Variants in NCBP2L observed in about 807,000 individuals in gnomAD.
The protein encoded by NCBP2L is nuclear cap binding protein subunit 2 like, also known as nuclear cap-binding protein subunit 2-like.
For missense variants in NCBP2L, 95 were observed against 53.1 expected (o/e 1.79, Z -2.45); for synonymous variants, 39 against 19.2 (o/e 2.04, Z -2.70).
chrX:107,779,738 ATTTTTTT>A (rs60997776), intron 1 of NCBP2L, among the ~76,000 whole-genome samples: 1 of 36,649 alleles, frequency 2.7e-5, no homozygotes, highest in Non-Finnish European at 5.0e-5. Flanking sequence ...TATCCCCTGA[ATTTTTTT>A]TTTTTTTTTT....
chrX:107,781,680 C>CTA (rs1273595792), intron 1 of NCBP2L, among the ~76,000 whole-genome samples: 53 of 35,072 alleles, frequency 1.5e-3, no homozygotes, highest in African/African-American at 4.8e-3. Flanking sequence ...CTATCTATCT[C>CTA]TCTCTCTCTC....
At chrX:107,793,666 T>A (rs1264453544) in intron 1 of NCBP2L, among the ~76,000 whole-genome samples, 5 of 112,084 alleles carry the variant, frequency 4.5e-5, no homozygotes. Context: ...ACCCATTGTG[T>A]AACCCAACAA....
Position 107,792,903 on chromosome X carries a change from A to T in NCBP2L, c.-72-1246A>T, listed in dbSNP as rs778294492. On this transcript the variant is annotated intron_variant, in intron 1 of 1. Transcript: ENST00000509000. ...CCTCCATGAATATCTCTAAAATAGT[A>T]TTGATTACACCATATTGTATTTTCA... Among the ~76,000 whole-genome samples, 5 of 112,207 alleles carry T rather than the reference A, an allele frequency of 4.5e-5. No homozygotes were observed. The Admixed American group carries it at 4.7e-4, about 11-fold the overall frequency.
At chrX:107,782,487 C>T (rs1469508265) in intron 1 of NCBP2L, among the ~76,000 whole-genome samples, 1 of 94,622 alleles carries the variant, frequency 1.1e-5, no homozygotes, top group Non-Finnish European at 2.1e-5. Flanking sequence ...GTGAGATCTA[C>T]GCTATTAGCA....
In NCBP2L at chrX:107,794,492, A is replaced by G. The variant is rs771170457; in HGVS notation, c.272A>G (p.Asp91Gly). 3.5e-6 allele frequency: 2 copies of G among 570,426 alleles called. No homozygotes were observed. Among genetic ancestry groups the G allele is most frequent in the Non-Finnish European group, 6.5e-6 (2 of 309,552 alleles). The allele number at this position is 570,426 out of a possible 1,213,427, so 47.0% of individuals were successfully genotyped here. A position where few individuals can be genotyped will look rare whatever the true frequency, so the allele number is the denominator to read the frequency against. ...FCFVECHNRADAENAMRFLTG... is the reference protein window; with the variant it reads ...FCFVECHNRAGAENAMRFLTG... ...TTTGTAGAATGCCATAACAGAGCTG[A>G]TGCTGAAAATGCCATGCGGTTTCTA... The change falls in exon 2 of 2, where the codon GAT becomes GGT. Residue 91 changes from aspartate (D) to glycine (G), a missense_variant. Asp to Gly is a moderately conservative substitution (Grantham distance 94, BLOSUM62 -1). Coordinates refer to ENST00000509000, the MANE Select transcript of NCBP2L (RefSeq NM_001348372.2).
intron 1 of NCBP2L, among the ~76,000 whole-genome samples, chrX:107,781,676 ATCTC>A (rs1252852252): frequency 2.1e-4 from 12 of 55,919 alleles, no homozygotes; most frequent in African/African-American, 7.9e-4. Context: ...CTATCTATCT[ATCTC>A]TCTCTCTCTC....
intron 1 of NCBP2L, among the ~76,000 whole-genome samples, chrX:107,787,809 G>C (rs1337656000): frequency 1.8e-5 from 2 of 111,811 alleles, no homozygotes; most frequent in Non-Finnish European, 3.8e-5. Flanking sequence ...CCTTCATCTG[G>C]AGCAGAAAGT....
intron 1 of NCBP2L, among the ~76,000 whole-genome samples, chrX:107,788,960 A>T (rs1355220449): frequency 2.7e-5 from 3 of 111,041 alleles, no homozygotes; most frequent in African/African-American, 9.8e-5. Flanking sequence ...AGTGATCTTA[A>T]TGTCCTCATA....
At chrX:107,778,295 T>C (rs1930216061) in intron 1 of NCBP2L, among the ~76,000 whole-genome samples, 1 of 112,182 alleles carries the variant, frequency 8.9e-6, no homozygotes, top group Non-Finnish European at 1.9e-5. Context: ...GAGGCCCTGG[T>C]AGAAGTATTT....
At chrX:107,781,706 A>ATATATATATATC (rs1930283837) in intron 1 of NCBP2L, among the ~76,000 whole-genome samples, 1 of 79,397 alleles carries the variant, frequency 1.3e-5, no homozygotes, top group Non-Finnish European at 2.2e-5. Context: ...ATATATATAT[A>ATATATATATATC]TATAGATCTA....
At chrX:107,785,514 C>G (rs1208397913) in intron 1 of NCBP2L, among the ~76,000 whole-genome samples, 1 of 111,427 alleles carries the variant, frequency 9.0e-6, no homozygotes, top group Middle Eastern at 4.2e-3. Flanking sequence ...GCCATGTTAA[C>G]CCAGAGTTCC....
chrX:107,778,118 T>G, intron 1 of NCBP2L, among the ~76,000 whole-genome samples: 1 of 111,730 alleles, frequency 9.0e-6, no homozygotes, highest in East Asian at 2.8e-4. Flanking sequence ...GTTTTGTAAT[T>G]ACAGTGTTTA....
intron 1 of NCBP2L, among the ~76,000 whole-genome samples, chrX:107,779,777 CT>C (rs1399422593): frequency 2.5e-5 from 2 of 78,933 alleles, no homozygotes; most frequent in Non-Finnish European, 4.6e-5. Context: ...CAGAGTCTCG[CT>C]CTGTCGCCCA....
chrX:107,794,097 A>G (rs1355421148), intron 1 of NCBP2L, 52 bp from the exon 2 acceptor site: 1 of 442,733 alleles, frequency 2.3e-6, no homozygotes, highest in East Asian at 3.7e-5. Context: ...TCACAGGTTT[A>G]TACTTCTGTT....
At chrX:107,781,668 A>C (rs868101836) in intron 1 of NCBP2L, among the ~76,000 whole-genome samples, 1,782 of 64,918 alleles carry the variant, frequency 0.027, 50 homozygotes, top group Middle Eastern at 0.083. Flanking sequence ...CTATCTATCT[A>C]TCTATCTATC....
rs746789618 is a variant in NCBP2L, at chrX:107,779,455, G to A, written c.-73+1597G>A. Among the ~76,000 whole-genome samples the A allele has an allele frequency of 3.6e-5, 4 of 111,903 alleles. No individual in the cohort carries two copies. In the East Asian group the frequency reaches 1.1e-3, roughly 31 times the overall value. On this transcript the variant is annotated intron_variant, in intron 1 of 1. Coordinates refer to ENST00000509000, the MANE Select transcript of NCBP2L (RefSeq NM_001348372.2). The stretch of plus-strand genomic sequence containing the variant: ...ATTTATTTATTTACTTTTTTAGAAC[G>A]AGTCTTGCTTTTGTTGCCCAGGCCA...
At position 107,781,651 on chromosome X, in the gene NCBP2L, C is replaced by CATCTATCTATCTATCTATCT. The variant is rs1168324440; in HGVS notation, c.-73+3802_-73+3821dup. ...TCATTCTATCTATCTATCTATCTAT[C>CATCTATCTATCTATCTATCT]ATCTATCTATCTATCTATCTATCTA... On this transcript the variant is annotated intron_variant, in intron 1 of 1. Transcript: ENST00000509000. Among the ~76,000 whole-genome samples the CATCTATCTATCTATCTATCT allele has an allele frequency of 2.8e-4, 18 of 65,210 alleles. 1 individual carries two copies. Among genetic ancestry groups the CATCTATCTATCTATCTATCT allele is most frequent in the Non-Finnish European group, 3.6e-4 (14 of 38,771 alleles). 56.6% of individuals were successfully genotyped at this position (65,210 alleles called of 115,157 possible). A position where few individuals can be genotyped will look rare whatever the true frequency, so the allele number is the denominator to read the frequency against.
chrX:107,781,664 A>ATCTC (rs1306466951), intron 1 of NCBP2L, among the ~76,000 whole-genome samples: 1 of 65,437 alleles, frequency 1.5e-5, no homozygotes, highest in Non-Finnish European at 2.5e-5. Context: ...CTATCTATCT[A>ATCTC]TCTATCTATC....
At chrX:107,792,233 T>C (rs191825136) in intron 1 of NCBP2L, among the ~76,000 whole-genome samples, 270 of 111,264 alleles carry the variant, frequency 2.4e-3, no homozygotes, top group African/African-American at 8.4e-3. Flanking sequence ...AGCTTATATT[T>C]TGCCATCTCA....
Sources: gnomAD v4.1 joint callset for allele counts (sites outside exome capture counted in the v4.1 genomes callset) on GRCh38, gnomAD v4.1.1 for gene constraint, MANE v1.5 for transcripts, NCBI Gene and HGNC (gene_info 2026-07-23, HGNC 2026-07-21) for gene names.